Variants in C8orf34 observed in about 807,000 individuals in gnomAD.
C8orf34 encodes uncharacterized protein C8orf34.
A neutral mutation model predicts 68.3 loss-of-function variants in C8orf34; 65 were observed. The ratio of observed to expected loss-of-function variants is 0.95; its 90% CI spans 0.78 to 1.17. C8orf34 has a LOEUF of 1.17. C8orf34 is among the 50% of genes most tolerant of loss of function. The pLI is 0.00. For synonymous variants in C8orf34, 244 were observed against 241.2 expected (o/e 1.01, Z -0.11); for missense variants, 664 against 655.4 (o/e 1.01, Z -0.14).
rs186118354 is a variant in C8orf34, at chr8:68,758,549, G to A, written c.1405-17850G>A. Among the ~76,000 whole-genome samples, 567 of 152,224 alleles carry A rather than the reference G, an allele frequency of 3.7e-3. 2 individuals are homozygous for A. The highest frequency in any genetic ancestry group is 0.013 in the African/African-American group (538 of 41,554). ...TTTACATTTGTTCTGAGAAATCAGGGAGTATAGTCCCATCATTAAGGACTA... is the reference window on the plus strand; with the variant it reads ...TTTACATTTGTTCTGAGAAATCAGGAAGTATAGTCCCATCATTAAGGACTA... On this transcript the variant is annotated intron_variant, in intron 10 of 13. Coordinates refer to ENST00000518698, the MANE Select transcript of C8orf34 (RefSeq NM_052958.4).
chr8:68,586,990 T>TA (rs1459506645), intron 7 of C8orf34, among the ~76,000 whole-genome samples: 1 of 152,166 alleles, frequency 6.6e-6, no homozygotes, highest in Non-Finnish European at 1.5e-5. Flanking sequence ...TAAGTAGAAA[T>TA]ATCTACTACA....
chr8:68,621,410 C>A (rs1370597297), intron 7 of C8orf34, among the ~76,000 whole-genome samples: 3 of 152,150 alleles, frequency 2.0e-5, no homozygotes, highest in African/African-American at 4.8e-5. Context: ...TAAGACACAG[C>A]ATCAATACAA....
At chr8:68,376,010 T>C (rs1807778270) in intron 1 of C8orf34, among the ~76,000 whole-genome samples, 1 of 152,114 alleles carries the variant, frequency 6.6e-6, no homozygotes, top group African/African-American at 2.4e-5. Flanking sequence ...CAATATACCA[T>C]GACTGGGTTA....
chr8:68,527,752 G>T (rs987517940), intron 6 of C8orf34, among the ~76,000 whole-genome samples: 2 of 152,064 alleles, frequency 1.3e-5, no homozygotes, highest in Admixed American at 6.6e-5. Context: ...CTGTTATTAA[G>T]CTTTAGGTTC....
chr8:68,337,415 C>A (rs1338054521), intron 1 of C8orf34, among the ~76,000 whole-genome samples: 1 of 152,050 alleles, frequency 6.6e-6, no homozygotes, highest in Non-Finnish European at 1.5e-5. Context: ...AGTAACTTTT[C>A]TAGAGTTTTC....
In C8orf34 at chr8:68,331,249, T is replaced by C. The variant is rs1340766732; in HGVS notation, c.237T>C (p.Ser79=). 5.9e-6 allele frequency: 9 copies of C among 1,536,164 alleles called. No homozygotes were observed. Among genetic ancestry groups the C allele is most frequent in the Non-Finnish European group, 7.0e-6 (8 of 1,146,944 alleles). ...GAQPRVLPAL[S]SRSHLFPMAS... is the part of the protein sequence containing the mutation. ...AGCCGCGCGTTCTCCCTGCACTCTC[T>C]TCGCGGTCCCATCTGTTCCCCATGG... The change falls in exon 1 of 14, where the codon TCT becomes TCC. Residue 79 remains serine, a synonymous_variant. Transcript: ENST00000518698.
At chr8:68,433,140 T>G (rs1400416009) in intron 1 of C8orf34, among the ~76,000 whole-genome samples, 1 of 152,106 alleles carries the variant, frequency 6.6e-6, no homozygotes, top group East Asian at 1.9e-4. Flanking sequence ...GTAGTGGTGG[T>G]GGGGGTGAAT....
At chr8:68,462,964 A>G (rs1435532914) in intron 3 of C8orf34, among the ~76,000 whole-genome samples, 1 of 152,188 alleles carries the variant, frequency 6.6e-6, no homozygotes, top group Non-Finnish European at 1.5e-5. Flanking sequence ...AAGGAAATAG[A>G]GACACAGAAA....
Position 68,650,387 on chromosome 8 carries a change from G to A in C8orf34, c.1241+9876G>A, listed in dbSNP as rs1819312092. On this transcript the variant is annotated intron_variant, in intron 8 of 13. Transcript: ENST00000518698. Reference sequence around the variant, plus strand: ...GTTTTATAAATGAGTTTGAGGGGGCGGTGTCTGATTTACATAGGGCACAAA... The same window carrying A: ...GTTTTATAAATGAGTTTGAGGGGGCAGTGTCTGATTTACATAGGGCACAAA... Among the ~76,000 whole-genome samples, 2 of 151,946 alleles carry A rather than the reference G, an allele frequency of 1.3e-5. 1 individual carries two copies. The highest frequency in any genetic ancestry group is 4.8e-5 in the African/African-American group (2 of 41,378).
intron 7 of C8orf34, among the ~76,000 whole-genome samples, chr8:68,549,014 T>C (rs1815977989): frequency 6.6e-6 from 1 of 151,748 alleles, no homozygotes; most frequent in Non-Finnish European, 1.5e-5. Flanking sequence ...GGGGTCCTAA[T>C]CTGATAGAGT....
intron 8 of C8orf34, among the ~76,000 whole-genome samples, chr8:68,674,244 T>C (rs377383570): frequency 6.6e-6 from 1 of 152,080 alleles, no homozygotes; most frequent in African/African-American, 2.4e-5. Flanking sequence ...CAGACACTGA[T>C]GAATGTCCAC....
At chr8:68,504,375 A>C (rs1290290210) in intron 5 of C8orf34, among the ~76,000 whole-genome samples, 1 of 152,126 alleles carries the variant, frequency 6.6e-6, no homozygotes, top group Admixed American at 6.5e-5. Context: ...ATTATAAATA[A>C]TGTTTCTATG....
At chr8:68,330,759 C>T (rs984586014), upstream of C8orf34, 3 of 389,788 alleles carry the variant, frequency 7.7e-6, no homozygotes, top group Non-Finnish European at 1.4e-5. Context: ...GTTCCGTCAC[C>T]GGGGAAAGGA....
At chr8:68,714,649 T>C (rs1821418613) in intron 9 of C8orf34, among the ~76,000 whole-genome samples, 1 of 152,154 alleles carries the variant, frequency 6.6e-6, no homozygotes, top group South Asian at 2.1e-4. Context: ...GGAAACACTT[T>C]CCATATTCAT....
chr8:68,458,558 A>G (rs906074274), intron 3 of C8orf34, among the ~76,000 whole-genome samples: 5 of 152,268 alleles, frequency 3.3e-5, no homozygotes, highest in African/African-American at 4.8e-5. Flanking sequence ...ATGTAGTGAT[A>G]CAGATTGCAG....
Position 68,519,060 on chromosome 8 carries a change from C to T in C8orf34, c.766-2739C>T, listed in dbSNP as rs184951587. 5.1e-4 allele frequency among the ~76,000 whole-genome samples: 77 copies of T among 152,146 alleles called. 1 individual carries two copies. The Middle Eastern group carries it at 0.024, about 47-fold the overall frequency. ...AAATGAAAAATTTATTGTAAAACTACGATCAAGCGTATTAAAGTAAGAATT... is the reference window on the plus strand; with the variant it reads ...AAATGAAAAATTTATTGTAAAACTATGATCAAGCGTATTAAAGTAAGAATT... On this transcript the variant is annotated intron_variant, in intron 5 of 13. Coordinates refer to ENST00000518698, the MANE Select transcript of C8orf34 (RefSeq NM_052958.4).
rs543035044 is a variant in C8orf34, at chr8:68,748,573, G to A, written c.1404+27136G>A. Among the ~76,000 whole-genome samples, 23 of 152,242 alleles carry A rather than the reference G, an allele frequency of 1.5e-4. No homozygotes were observed. The East Asian group carries it at 2.3e-3, about 15-fold the overall frequency. On this transcript the variant is annotated intron_variant, in intron 10 of 13. Coordinates refer to ENST00000518698, the MANE Select transcript of C8orf34 (RefSeq NM_052958.4). ...CAAACAACCCCATCAAGAAGTAGGCGAAGGACATGAAGAGGCACTTCACAA... is the reference window on the plus strand; with the variant it reads ...CAAACAACCCCATCAAGAAGTAGGCAAAGGACATGAAGAGGCACTTCACAA...
At chr8:68,670,630 A>T (rs964006560) in intron 8 of C8orf34, among the ~76,000 whole-genome samples, 3 of 152,066 alleles carry the variant, frequency 2.0e-5, no homozygotes, top group African/African-American at 7.2e-5. Context: ...TTCCTCTAAA[A>T]ATCATTTACT....
chr8:68,491,278 C>G (rs1813302010), intron 5 of C8orf34, among the ~76,000 whole-genome samples: 1 of 150,386 alleles, frequency 6.6e-6, no homozygotes, highest in Admixed American at 6.6e-5. Context: ...TCCATCAATT[C>G]CTTTGTCACT....
Sources: allele counts gnomAD v4.1 joint callset (sites outside exome capture counted in the v4.1 genomes callset), GRCh38; gene constraint gnomAD v4.1.1; transcripts MANE v1.5; gene names NCBI Gene and HGNC (gene_info 2026-07-23, HGNC 2026-07-21).